Variants in MGAT4C observed in about 807,000 individuals in gnomAD.
MGAT4C encodes the protein alpha-1,3-mannosyl-glycoprotein 4-beta-N-acetylglucosaminyltransferase C.
Under a neutral mutation model 40.1 loss-of-function variants are expected in MGAT4C, and 19 were observed. The observed-to-expected ratio is 0.47, with a 90% CI of 0.33 to 0.70. The LOEUF is 0.70. MGAT4C is among the 30% of genes least tolerant of loss of function. MGAT4C has a pLI of 0.02. For missense variants in MGAT4C, 491 were observed against 563.2 expected (o/e 0.87, Z 1.30); for synonymous variants, 181 against 187.1 (o/e 0.97, Z 0.27).
intron 3 of MGAT4C, among the ~76,000 whole-genome samples, chr12:86,372,219 A>T (rs893230021): frequency 2.6e-5 from 4 of 151,796 alleles, no homozygotes; most frequent in African/African-American, 9.7e-5. Context: ...ACATCAAGAC[A>T]CTCCAGGGCA....
intron 1 of MGAT4C, among the ~76,000 whole-genome samples, chr12:86,087,189 G>T (rs1459523799): frequency 2.0e-5 from 3 of 151,996 alleles, no homozygotes; most frequent in Non-Finnish European, 4.4e-5. Flanking sequence ...TATATACCCA[G>T]CAATGGGATT....
chr12:86,692,875 G>T lies in MGAT4C; in HGVS notation c.-229+34334C>A, dbSNP rs117132129. 5.2e-3 allele frequency among the ~76,000 whole-genome samples: 798 copies of T among 152,216 alleles called. 3 individuals are homozygous for T. The highest frequency in any genetic ancestry group is 8.9e-3 in the Non-Finnish European group (608 of 68,016). On this transcript the variant is annotated intron_variant, in intron 2 of 7. Transcript: ENST00000548651. Reference sequence around the variant, plus strand: ...ACACAAATTGTTTGTTACGGAATGTGCTTGGGATCATGTATGGCATGGAAG... The same window carrying T: ...ACACAAATTGTTTGTTACGGAATGTTCTTGGGATCATGTATGGCATGGAAG...
At chr12:86,129,475 C>T (rs1390174977) in intron 1 of MGAT4C, among the ~76,000 whole-genome samples, 3 of 151,790 alleles carry the variant, frequency 2.0e-5, no homozygotes, top group Admixed American at 6.6e-5. Flanking sequence ...TTAAAGGACT[C>T]CAGCCTTTTT....
At chr12:86,131,608 T>G (rs1173580465) in intron 1 of MGAT4C, among the ~76,000 whole-genome samples, 1 of 152,118 alleles carries the variant, frequency 6.6e-6, no homozygotes, top group Non-Finnish European at 1.5e-5. Flanking sequence ...CTAAAATATT[T>G]TAATGAATTT....
At chr12:86,020,966 A>C (rs1323329275) in intron 2 of MGAT4C, among the ~76,000 whole-genome samples, 1 of 152,224 alleles carries the variant, frequency 6.6e-6, no homozygotes, top group Non-Finnish European at 1.5e-5. Flanking sequence ...ACATTTATGC[A>C]GCCAAAAGAC....
intron 2 of MGAT4C, among the ~76,000 whole-genome samples, chr12:86,715,708 G>T (rs1420633758): frequency 6.6e-6 from 1 of 152,100 alleles, no homozygotes; most frequent in East Asian, 1.9e-4. Flanking sequence ...AGCTAAGGAA[G>T]TCTACTCCTT....
chr12:86,675,982 AAAC>A (rs1463815614), intron 2 of MGAT4C, among the ~76,000 whole-genome samples: 2 of 151,496 alleles, frequency 1.3e-5, no homozygotes, highest in Non-Finnish European at 3.0e-5. Context: ...CAAAAAAAAA[AAAC>A]ATTCATTTCA....
chr12:86,724,045 C>T (rs1950781020), intron 2 of MGAT4C, among the ~76,000 whole-genome samples: 1 of 152,044 alleles, frequency 6.6e-6, no homozygotes, highest in Non-Finnish European at 1.5e-5. Context: ...AATACCCATG[C>T]ATTATAAATT....
At chr12:86,632,557 C>T (rs1434625020) in intron 2 of MGAT4C, among the ~76,000 whole-genome samples, 1 of 152,078 alleles carries the variant, frequency 6.6e-6, no homozygotes, top group Non-Finnish European at 1.5e-5. Flanking sequence ...CATATATACA[C>T]TATGGAATAC....
At chr12:85,987,160 G>A (rs983428325) in intron 3 of MGAT4C, among the ~76,000 whole-genome samples, 2 of 97,638 alleles carry the variant, frequency 2.0e-5, no homozygotes, top group East Asian at 3.4e-4. Flanking sequence ...TTTTTGAGAC[G>A]GAGTCTCGCT....
At chr12:86,348,136 G>GT (rs1360602503) in intron 3 of MGAT4C, among the ~76,000 whole-genome samples, 1 of 152,082 alleles carries the variant, frequency 6.6e-6, no homozygotes, top group African/African-American at 2.4e-5. Flanking sequence ...TGAATTAAAT[G>GT]ATTTTTATTT....
At chr12:86,397,180 G>A (rs1054978768) in intron 3 of MGAT4C, among the ~76,000 whole-genome samples, 1 of 152,026 alleles carries the variant, frequency 6.6e-6, no homozygotes, top group Non-Finnish European at 1.5e-5. Flanking sequence ...GAATTTTATG[G>A]AGAGCAGAAA....
chr12:86,510,611 A>T (rs1342273918), intron 2 of MGAT4C, among the ~76,000 whole-genome samples: 1 of 152,180 alleles, frequency 6.6e-6, no homozygotes, highest in Non-Finnish European at 1.5e-5. Flanking sequence ...ACATGCAGAG[A>T]CAAACATAGG....
rs182689462 is a variant in MGAT4C, at chr12:86,497,655, C to A, written c.-228-62390G>T. ...CTCATAATACCAGATAACTTTATGG[C>A]GTTTCCAGGATGCATAGGACTCAGG... On this transcript the variant is annotated intron_variant, in intron 2 of 7. Transcript: ENST00000548651. Among the ~76,000 whole-genome samples the A allele has an allele frequency of 1.8e-4, 28 of 151,566 alleles. No homozygotes were observed. The East Asian group carries it at 4.1e-3, about 22-fold the overall frequency.
intron 1 of MGAT4C, among the ~76,000 whole-genome samples, chr12:86,196,155 T>A (rs1052692231): frequency 3.3e-5 from 5 of 152,176 alleles, no homozygotes; most frequent in Admixed American, 2.0e-4. Flanking sequence ...GGCCTCTCTC[T>A]CTCTCCTTGG....
chr12:86,076,972 C>T (rs530549589), intron 1 of MGAT4C, among the ~76,000 whole-genome samples: 5 of 152,290 alleles, frequency 3.3e-5, no homozygotes, highest in Admixed American at 6.5e-5. Flanking sequence ...AAGATGTAGG[C>T]TGGGAGGCTA....
At chr12:86,670,305 G>T (rs1964222391) in intron 2 of MGAT4C, among the ~76,000 whole-genome samples, 1 of 151,712 alleles carries the variant, frequency 6.6e-6, no homozygotes, top group African/African-American at 2.4e-5. Context: ...TCAACACAAA[G>T]AAAGTTTTAA....
chr12:86,516,134 G>C (rs540685709), intron 2 of MGAT4C, among the ~76,000 whole-genome samples: 1 of 151,866 alleles, frequency 6.6e-6, no homozygotes, highest in African/African-American at 2.4e-5. Flanking sequence ...AGAAACACAA[G>C]GGACCCAGAA....
intron 2 of MGAT4C, among the ~76,000 whole-genome samples, chr12:86,000,715 T>G (rs1170003008): frequency 1.3e-5 from 2 of 152,196 alleles, no homozygotes. Context: ...TTAAGTAATT[T>G]TATGAATAGT....
Sources: allele counts gnomAD v4.1 joint callset (sites outside exome capture counted in the v4.1 genomes callset), GRCh38; gene constraint gnomAD v4.1.1; transcripts MANE v1.5; gene names NCBI Gene and HGNC (gene_info 2026-07-23, HGNC 2026-07-21).